Variants in RBFOX1 observed in about 807,000 individuals in gnomAD.
The protein encoded by RBFOX1 is RNA binding fox-1 homolog 1.
RBFOX1 carries 8 observed loss-of-function variants against 57.7 expected under a neutral mutation model. The observed-to-expected ratio is 0.14, with a 90% CI of 0.08 to 0.25. The LOEUF is 0.25. Among genes scored for constraint, RBFOX1 ranks in the 10% least tolerant of loss-of-function variants. The pLI, the probability that RBFOX1 is intolerant of heterozygous loss-of-function variation, is 1.00. For synonymous variants in RBFOX1, 326 were observed against 222.4 expected (o/e 1.47, Z -4.15); for missense variants, 611 against 548.5 (o/e 1.11, Z -1.14).
intron 4 of RBFOX1, among the ~76,000 whole-genome samples, chr16:7,216,182 T>C (rs2092008353): frequency 6.6e-6 from 1 of 152,196 alleles, no homozygotes; most frequent in African/African-American, 2.4e-5. Flanking sequence ...TCTTTACTAG[T>C]TGGTAGATAA....
intron 3 of RBFOX1, among the ~76,000 whole-genome samples, chr16:6,839,537 A>G (rs1407477777): frequency 6.6e-6 from 1 of 152,192 alleles, no homozygotes; most frequent in Non-Finnish European, 1.5e-5. Context: ...CAGACAGACA[A>G]GGAGGGTATC....
chr16:7,434,954 G>T (rs921920897), intron 4 of RBFOX1, among the ~76,000 whole-genome samples: 2 of 152,068 alleles, frequency 1.3e-5, no homozygotes, highest in Non-Finnish European at 2.9e-5. Flanking sequence ...TGGTGAGGCC[G>T]GTCTTGAACT....
At chr16:6,402,968 C>CTT (rs2093135548) in intron 2 of RBFOX1, among the ~76,000 whole-genome samples, 2 of 152,104 alleles carry the variant, frequency 1.3e-5, no homozygotes, top group Admixed American at 6.6e-5. Context: ...ATTTTAAAAC[C>CTT]TTCAACCCTT....
chr16:7,590,325 T>G (rs1198842809), intron 7 of RBFOX1, among the ~76,000 whole-genome samples: 1 of 151,660 alleles, frequency 6.6e-6, no homozygotes, highest in Admixed American at 6.6e-5. Flanking sequence ...CCAGGTAGTA[T>G]CTATATTATT....
At chr16:6,666,031 G>T (rs1326023860) in intron 3 of RBFOX1, among the ~76,000 whole-genome samples, 3 of 152,026 alleles carry the variant, frequency 2.0e-5, no homozygotes, top group Non-Finnish European at 4.4e-5. Context: ...GAGATCTGAT[G>T]GTTTTATAAG....
chr16:6,124,974 A>G (rs1184381243), intron 1 of RBFOX1, among the ~76,000 whole-genome samples: 4 of 152,148 alleles, frequency 2.6e-5, no homozygotes, highest in Non-Finnish European at 5.9e-5. Flanking sequence ...TGTAGTTACA[A>G]GGCTCCAAGT....
At chr16:5,935,420 G>C (rs916219991) in intron 4 of RBFOX1, among the ~76,000 whole-genome samples, 6 of 152,190 alleles carry the variant, frequency 3.9e-5, no homozygotes, top group African/African-American at 1.4e-4. Context: ...CAGGTAGGCA[G>C]CATAAGGAGA....
At chr16:7,094,458 C>A (rs1003027464) in intron 4 of RBFOX1, among the ~76,000 whole-genome samples, 2 of 152,022 alleles carry the variant, frequency 1.3e-5, no homozygotes, top group African/African-American at 4.8e-5. Flanking sequence ...TGGAGACATG[C>A]AATGCTATTT....
chr16:7,296,015 TCTC>T (rs2095880375), intron 4 of RBFOX1, among the ~76,000 whole-genome samples: 1 of 151,884 alleles, frequency 6.6e-6, no homozygotes, highest in African/African-American at 2.4e-5. Flanking sequence ...TGTTTTTTAG[TCTC>T]CTCGTGATAG....
chr16:6,654,540 C>G, intron 2 of RBFOX1, 63 bp from the exon 3 acceptor site: 3 of 1,315,146 alleles, frequency 2.3e-6, no homozygotes, highest in Non-Finnish European at 3.1e-6. Context: ...ACTGAATGTT[C>G]TCTGACCATA....
intron 2 of RBFOX1, among the ~76,000 whole-genome samples, chr16:6,584,923 G>C (rs935403531): frequency 6.6e-6 from 1 of 152,156 alleles, no homozygotes; most frequent in Non-Finnish European, 1.5e-5. Flanking sequence ...GGGGACCTGC[G>C]TTGAAAACCA....
At chr16:7,012,251 A>G (rs117268845) in intron 3 of RBFOX1, among the ~76,000 whole-genome samples, 1,537 of 152,272 alleles carry the variant, frequency 0.01, 9 homozygotes, top group Non-Finnish European at 0.016. Flanking sequence ...AGATGAAAGA[A>G]ATTTTCCCAG....
At chr16:7,300,768 C>T in intron 4 of RBFOX1, among the ~76,000 whole-genome samples, 1 of 152,134 alleles carries the variant, frequency 6.6e-6, no homozygotes, top group East Asian at 1.9e-4. Context: ...TTTTATGAGT[C>T]AAATTAAAAC....
intron 2 of RBFOX1, among the ~76,000 whole-genome samples, chr16:6,548,377 G>C (rs970882677): frequency 6.6e-6 from 1 of 152,154 alleles, no homozygotes; most frequent in African/African-American, 2.4e-5. Flanking sequence ...ATATCAAATT[G>C]TTGGGGGGTA....
intron 4 of RBFOX1, among the ~76,000 whole-genome samples, chr16:7,151,830 C>T (rs938870626): frequency 1.3e-5 from 2 of 152,048 alleles, no homozygotes; most frequent in Admixed American, 6.6e-5. Flanking sequence ...CAACCTAGCT[C>T]CTTCGCATGC....
intron 3 of RBFOX1, among the ~76,000 whole-genome samples, chr16:6,755,693 G>C (rs1463023649): frequency 6.6e-6 from 1 of 152,086 alleles, no homozygotes; most frequent in Non-Finnish European, 1.5e-5. Flanking sequence ...TATAATACTA[G>C]AGAATTCGTT....
At chr16:5,546,819 C>A (rs1169187944) in intron 2 of RBFOX1, among the ~76,000 whole-genome samples, 1 of 152,078 alleles carries the variant, frequency 6.6e-6, no homozygotes, top group Non-Finnish European at 1.5e-5. Context: ...AAGAGAGTGA[C>A]CAGCAACATA....
chr16:6,341,031 G>A (rs533694568), intron 2 of RBFOX1, among the ~76,000 whole-genome samples: 1 of 152,150 alleles, frequency 6.6e-6, no homozygotes, highest in Admixed American at 6.5e-5. Context: ...TGTCTCTAGG[G>A]TCTTGTAGGG....
chr16:6,255,918 G>A (rs904816633), intron 1 of RBFOX1, among the ~76,000 whole-genome samples: 5 of 151,434 alleles, frequency 3.3e-5, no homozygotes, highest in East Asian at 3.9e-4. Context: ...GAGGGAGAGC[G>A]TTAGGACAAA....
Sources: gnomAD v4.1 joint callset for allele counts (sites outside exome capture counted in the v4.1 genomes callset) on GRCh38, gnomAD v4.1.1 for gene constraint, MANE v1.5 for transcripts, NCBI Gene and HGNC (gene_info 2026-07-23, HGNC 2026-07-21) for gene names.